Variants in WWOX observed in about 807,000 individuals in gnomAD.
The protein encoded by WWOX is WW domain containing oxidoreductase, also known as WW domain-containing oxidoreductase.
WWOX carries 69 observed loss-of-function variants against 46.2 expected under a neutral mutation model. The observed-to-expected ratio is 1.49, with a 90% confidence interval of 1.23 to 1.82. WWOX has a LOEUF of 1.82. WWOX is among the 40% of genes most tolerant of loss of function. WWOX has a pLI of 0.00. For synonymous variants in WWOX, 359 were observed against 202.6 expected (o/e 1.77, Z -6.56); for missense variants, 919 against 542.6 (o/e 1.69, Z -6.89).
chr16:78,577,804 C>A (rs907233179), intron 8 of WWOX, among the ~76,000 whole-genome samples: 1 of 152,128 alleles, frequency 6.6e-6, no homozygotes, highest in African/African-American at 2.4e-5. Context: ...ATGTCAATGA[C>A]ATGACTTTCA....
At chr16:78,226,492 C>CCCTCCCTT in intron 5 of WWOX, among the ~76,000 whole-genome samples, 1 of 127,232 alleles carries the variant, frequency 7.9e-6, no homozygotes, top group South Asian at 3.1e-4. Context: ...TTCCCTCCCT[C>CCCTCCCTT]CCTCCCTCCC....
chr16:78,999,757 T>G (rs568912670), intron 8 of WWOX, among the ~76,000 whole-genome samples: 2 of 152,212 alleles, frequency 1.3e-5, no homozygotes, highest in South Asian at 4.1e-4. Context: ...GCCTGTTAGG[T>G]GCCATGTTCA....
At chr16:78,402,230 A>G (rs139183922) in intron 6 of WWOX, among the ~76,000 whole-genome samples, 1,551 of 152,310 alleles carry the variant, frequency 0.01, 16 homozygotes, top group African/African-American at 0.028. Context: ...GTGGAGTTAG[A>G]TAATACATGG....
rs1355797019 is a variant in WWOX, at chr16:78,895,299, A to G, written c.1057-316309A>G. 2.0e-5 allele frequency: 3 copies of G among 152,132 alleles called. No individual in the cohort carries two copies. In the East Asian group the frequency reaches 5.8e-4, roughly 29 times the overall value. 9.4% of individuals were successfully genotyped at this position (152,132 alleles called of 1,614,324 possible). Reference sequence around the variant, plus strand: ...GTTTCTTTTCTTTTCTTAATTATGCATTAAGAAAATAACTTAAGTTTCTGT... The same window carrying G: ...GTTTCTTTTCTTTTCTTAATTATGCGTTAAGAAAATAACTTAAGTTTCTGT... On this transcript the variant is annotated intron_variant, in intron 8 of 8. Coordinates refer to ENST00000566780, the MANE Select transcript of WWOX (RefSeq NM_016373.4).
intron 5 of WWOX, chr16:78,237,985 A>T (rs2037498883): frequency 6.6e-6 from 1 of 152,126 alleles, no homozygotes; most frequent in African/African-American, 2.4e-5. Context: ...CCCTTGAGGG[A>T]AGCCTGGTTT....
chr16:78,597,779 TAA>T (rs1491218273), intron 8 of WWOX, among the ~76,000 whole-genome samples: 2,723 of 123,442 alleles, frequency 0.022, 67 homozygotes, highest in African/African-American at 0.084. Context: ...TATATATATA[TAA>T]AATATATTTC....
intron 8 of WWOX, among the ~76,000 whole-genome samples, chr16:78,808,222 C>G (rs947646836): frequency 6.6e-6 from 1 of 152,196 alleles, no homozygotes; most frequent in Non-Finnish European, 1.5e-5. Context: ...TCCTGTGATA[C>G]CCATAGGGAC....
rs186571408 is a variant in WWOX, at chr16:79,093,287, C to A, written c.1057-118321C>A. On this transcript the variant is annotated intron_variant, in intron 8 of 8. Transcript: ENST00000566780. ...AAAGATACACAGAAACACTAAATAC[C>A]TGTCTATTAATACTGACAGTAGTTG... is the stretch of plus-strand genomic sequence containing the variant. Among the ~76,000 whole-genome samples the A allele has an allele frequency of 5.3e-5, 8 of 152,254 alleles. No homozygotes were observed. The East Asian group carries it at 1.3e-3, about 26-fold the overall frequency.
chr16:78,940,006 A>G (rs530776883), intron 8 of WWOX, among the ~76,000 whole-genome samples: 139 of 152,358 alleles, frequency 9.1e-4, no homozygotes, highest in Admixed American at 1.8e-3. Flanking sequence ...ATCTATTTTT[A>G]TATGCATACA....
chr16:78,634,969 G>A lies in WWOX; in HGVS notation c.1056+202217G>A, dbSNP rs2046533256. On this transcript the variant is annotated intron_variant, in intron 8 of 8. Transcript: ENST00000566780. ...GGGAAAGGGTCCAGAGCAGTAAAGA[G>A]CCTGTAAATAAATTCATACCAGCTT... Among the ~76,000 whole-genome samples the A allele has an allele frequency of 2.0e-5, 3 of 152,098 alleles. No homozygotes were observed. The South Asian group carries it at 6.2e-4, about 32-fold the overall frequency.
chr16:79,211,089 C>G (rs992859296), intron 8 of WWOX, among the ~76,000 whole-genome samples: 2 of 149,744 alleles, frequency 1.3e-5, no homozygotes, highest in African/African-American at 2.4e-5. Flanking sequence ...ATTGCCAACC[C>G]TTCCCCTAGC....
intron 8 of WWOX, among the ~76,000 whole-genome samples, chr16:79,053,750 C>G (rs1312335271): frequency 6.6e-6 from 1 of 152,054 alleles, no homozygotes; most frequent in Non-Finnish European, 1.5e-5. Flanking sequence ...GGAAGCTGTA[C>G]CTTAAGTTTA....
intron 5 of WWOX, among the ~76,000 whole-genome samples, chr16:78,331,976 G>A (rs750363016): frequency 2.0e-5 from 3 of 152,142 alleles, no homozygotes; most frequent in Admixed American, 6.6e-5. Flanking sequence ...CCAAAGCTGT[G>A]TCCTCAAGCA....
intron 5 of WWOX, among the ~76,000 whole-genome samples, chr16:78,252,822 C>G (rs910955394): frequency 6.6e-6 from 1 of 152,180 alleles, no homozygotes; most frequent in East Asian, 1.9e-4. Context: ...AGACCAACAT[C>G]CTTATTTCTC....
intron 8 of WWOX, among the ~76,000 whole-genome samples, chr16:78,945,826 T>C (rs1232212846): frequency 6.6e-6 from 1 of 152,186 alleles, no homozygotes; most frequent in Non-Finnish European, 1.5e-5. Flanking sequence ...TCGTATGGGT[T>C]GAGCATGGAG....
intron 8 of WWOX, among the ~76,000 whole-genome samples, chr16:78,487,446 TGTTCC>T (rs1319666020): frequency 1.3e-5 from 2 of 152,218 alleles, no homozygotes; most frequent in Admixed American, 1.3e-4. Context: ...CTCTTACTAA[TGTTCC>T]GTCTTTGCAT....
At chr16:78,927,471 T>G (rs2045525003) in intron 8 of WWOX, among the ~76,000 whole-genome samples, 1 of 152,212 alleles carries the variant, frequency 6.6e-6, no homozygotes, top group Non-Finnish European at 1.5e-5. Flanking sequence ...AGTTCTCTTT[T>G]CATCCCCTTG....
intron 8 of WWOX, among the ~76,000 whole-genome samples, chr16:78,575,046 T>A (rs184621786): frequency 0.028 from 234 of 8,352 alleles, 1 homozygote; most frequent in Non-Finnish European, 0.043. Flanking sequence ...TATATATATA[T>A]ATATATATAT....
chr16:78,646,986 T>C (rs752157425), intron 8 of WWOX, among the ~76,000 whole-genome samples: 14 of 152,178 alleles, frequency 9.2e-5, no homozygotes, highest in Non-Finnish European at 1.6e-4. Context: ...TGGCTCAGAC[T>C]CTGCTGGGCC....
Sources: allele counts gnomAD v4.1 joint callset (sites outside exome capture counted in the v4.1 genomes callset), GRCh38; gene constraint gnomAD v4.1.1; transcripts MANE v1.5; gene names NCBI Gene and HGNC (gene_info 2026-07-23, HGNC 2026-07-21).